Variants in RECQL4 observed in about 807,000 individuals in gnomAD.
RECQL4 encodes the protein ATP-dependent DNA helicase Q4.
In RECQL4, 158 loss-of-function variants were observed where a neutral mutation model predicts 128.6. The ratio of observed to expected loss-of-function variants is 1.23; its 90% confidence interval spans 1.08 to 1.40. The LOEUF (loss-of-function observed/expected upper bound fraction) is 1.40, where lower values mean the gene tolerates loss of function less well. Ranked by LOEUF, RECQL4 falls within the 40% of genes most tolerant of loss-of-function variation. RECQL4 has a pLI of 0.00. For missense variants in RECQL4, 2,293 were observed against 1,649.8 expected (o/e 1.39, Z -6.75); for synonymous variants, 996 against 678.9 (o/e 1.47, Z -7.26).
rs1060501377 is a variant in RECQL4, at chr8:144,512,848, C to G, written c.2754G>C (p.Glu918Asp). The change falls in exon 15 of 21, where the codon GAG (glutamate) becomes GAC (aspartate). Residue 918 changes from glutamate to aspartate, a missense_variant and splice_region_variant. Glu to Asp is a conservative substitution (Grantham distance 45, BLOSUM62 2). Coordinates refer to ENST00000617875, the MANE Select transcript of RECQL4 (RefSeq NM_004260.4). ...TGTGGCTTACCCCAGGTTCCTCACC[C>G]TCCTCCGGCATGTCCAAAGCCTGTA... ...LTVQALDMPE[E>D]AIETLLCYLE... 1.9e-6 allele frequency: 3 copies of G among 1,605,000 alleles called. No homozygotes were observed. Among genetic ancestry groups the G allele is most frequent in the Non-Finnish European group, 2.6e-6 (3 of 1,176,268 alleles).
Position 144,512,977 on chromosome 8 carries a change from G to A in RECQL4, c.2625C>T (p.Pro875=), listed in dbSNP as rs2130671101. ...EGAVGGERPV[P]KYPPQEAEQL... is the part of the protein sequence containing the mutation. ...GCTCAGCCTCTTGAGGGGGGTACTT[G>A]GGCACAGGCCTCTCCCCACCCACGG... Residue 875 remains proline (P), a synonymous_variant, in exon 15 of 21, where the codon CCC becomes CCT. Coordinates refer to ENST00000617875, the MANE Select transcript of RECQL4 (RefSeq NM_004260.4). The A allele has an allele frequency of 1.3e-6, 2 of 1,570,530 alleles. No homozygotes were observed. Among genetic ancestry groups the A allele is most frequent in the Admixed American group, 1.9e-5 (1 of 53,496 alleles).
In RECQL4 at chr8:144,515,887, A is replaced by T. The variant is rs1380925994; in HGVS notation, c.1135T>A (p.Trp379Arg). The T allele has an allele frequency of 6.2e-7, 1 of 1,612,832 alleles. No homozygotes were observed. The highest frequency in any genetic ancestry group is 8.5e-7 in the Non-Finnish European group (1 of 1,179,790). ...CCTTTCTTCCGCCACTTCTGCTTCC[A>T]TGCCTGGGGGGTGCCCACATAGGAG... Reference protein sequence around the residue: ...LRSRLLRKQAWKQKWRKKGEC... With the variant: ...LRSRLLRKQARKQKWRKKGEC... The change falls in exon 6 of 21, where the codon TGG (tryptophan) becomes AGG (arginine). Residue 379 changes from tryptophan (W) to arginine (R), a missense_variant. Trp to Arg is a moderately radical substitution (Grantham distance 101). Coordinates refer to ENST00000617875, the MANE Select transcript of RECQL4 (RefSeq NM_004260.4).
intron 9 of RECQL4, 70 bp downstream of exon 9, chr8:144,514,865 GC>G: frequency 4.5e-6 from 7 of 1,557,208 alleles, no homozygotes; most frequent in Non-Finnish European, 6.1e-6. Flanking sequence ...GGGACAAGCA[GC>G]AGTTGCCCTT....
rs990552711 is a variant in RECQL4, at chr8:144,517,726, C to T, written c.59G>A (p.Arg20Gln). 3 of 1,352,168 alleles carry T rather than the reference C, an allele frequency of 2.2e-6. No homozygotes were observed. The highest frequency in any genetic ancestry group is 3.5e-5 in the South Asian group (2 of 57,682). 83.8% of individuals were successfully genotyped at this position (1,352,168 alleles called of 1,614,324 possible). A position where few individuals can be genotyped will look rare whatever the true frequency, so the allele number is the denominator to read the frequency against. The change falls in exon 1 of 21, where the codon CGG becomes CAG. Residue 20 changes from arginine to glutamine, a missense_variant. Coordinates refer to ENST00000617875, the MANE Select transcript of RECQL4 (RefSeq NM_004260.4). ...RLQAWERAFR[R>Q]QRGRRPSQDD... ...CTGGCTCGGTCGCCGCCCGCGCTGCCGTCGGAACGCGCGCTCCCACGCCTG... is the reference window on the plus strand; with the variant it reads ...CTGGCTCGGTCGCCGCCCGCGCTGCTGTCGGAACGCGCGCTCCCACGCCTG...
chr8:144,512,366 G>A (rs1280556580), intron 17 of RECQL4, 26 bp downstream of exon 17: 1 of 1,609,586 alleles, frequency 6.2e-7, no homozygotes, highest in Non-Finnish European at 8.5e-7. Flanking sequence ...AGCGTCCAGG[G>A]CGGTGTGGGG....
In RECQL4 at chr8:144,513,446, G is replaced by T; in HGVS notation, c.2235C>A (p.His745Gln). 1.2e-6 allele frequency: 2 copies of T among 1,609,836 alleles called. No homozygotes were observed. Residue 745 changes from histidine to glutamine, a missense_variant, in exon 14 of 21, where the codon CAC becomes CAA. Physicochemically the swap from His to Gln is conservative, Grantham distance 24. Coordinates refer to ENST00000617875, the MANE Select transcript of RECQL4 (RefSeq NM_004260.4). ...RAPKTTAEAY[H>Q]AGMCSRERRR... ...GCCGTTCCCGGCTGCACATGCCCGC[G>T]TGGTAGGCCTCGGCTGTGGTTTTGG...
chr8:144,513,946 C>G lies in RECQL4; in HGVS notation c.2040G>C (p.Met680Ile), dbSNP rs1474548278. The G allele has an allele frequency of 6.4e-7, 1 of 1,557,428 alleles. No individual in the cohort carries two copies. ...CACCCACCTGGTCTGTGTCCCTGTC[C>G]ATGGACACGGAAAGGTGCAGGTTGG... ...VPTNLHLSVS[M>I]DRDTDQALLT... Residue 680 changes from methionine to isoleucine, a missense_variant, in exon 12 of 21, where the codon ATG (methionine) becomes ATC (isoleucine). Transcript: ENST00000617875.
chr8:144,512,959 C>T lies in RECQL4; in HGVS notation c.2643G>A (p.Glu881=), dbSNP rs984194524. The stretch of plus-strand genomic sequence containing the variant: ...CTGCTTGGTGGCTAAGCTGCTCAGC[C>T]TCTTGAGGGGGGTACTTGGGCACAG... ...ERPVPKYPPQ[E]AEQLSHQAAP... is the part of the protein sequence containing the mutation. Residue 881 remains glutamate, a synonymous_variant, in exon 15 of 21, where the codon GAG becomes GAA. Coordinates refer to ENST00000617875, the MANE Select transcript of RECQL4 (RefSeq NM_004260.4). 1.9e-6 allele frequency: 3 copies of T among 1,573,010 alleles called. No individual in the cohort carries two copies. Among genetic ancestry groups the T allele is most frequent in the South Asian group, 1.2e-5 (1 of 86,246 alleles).
In RECQL4 at chr8:144,516,097, A is replaced by G; in HGVS notation, c.1022T>C (p.Ile341Thr). 1 of 1,612,756 alleles carries G rather than the reference A, an allele frequency of 6.2e-7. No individual in the cohort carries two copies. The highest frequency in any genetic ancestry group is 1.1e-5 in the South Asian group (1 of 91,084). Residue 341 changes from isoleucine to threonine, a missense_variant, in exon 5 of 21, where the codon ATC (isoleucine) becomes ACC (threonine). Ile to Thr is a moderately conservative substitution (Grantham distance 89). Coordinates refer to ENST00000617875, the MANE Select transcript of RECQL4 (RefSeq NM_004260.4). ...GTCATGGCGGGCCAGCCGAGGGAAGATGTGCAGGGGGGCTGTGCCCTCAGC... is the reference window on the plus strand; with the variant it reads ...GTCATGGCGGGCCAGCCGAGGGAAGGTGTGCAGGGGGGCTGTGCCCTCAGC... ...GKAEGTAPLH[I>T]FPRLARHDRG...
rs1253183706 is a variant in RECQL4, at chr8:144,514,107, C to T, written c.1879G>A (p.Val627Met). ...TGCACGCCCATGCGCTCCCGAAGCA[C>T]CTGCACCAGAGGCGGCAGTGGTGTG... Reference protein sequence around the residue: ...FRPCYLRVCKVLRERMGVHCF... With the variant: ...FRPCYLRVCKMLRERMGVHCF... The change falls in exon 12 of 21, where the codon GTG becomes ATG. Residue 627 changes from valine (V) to methionine (M), a missense_variant and splice_region_variant. Physicochemically the swap from Val to Met is conservative, Grantham distance 21 (BLOSUM62 1). Transcript: ENST00000617875. The T allele has an allele frequency of 6.2e-7, 1 of 1,607,324 alleles. No homozygotes were observed. Among genetic ancestry groups the T allele is most frequent in the Non-Finnish European group, 8.5e-7 (1 of 1,177,774 alleles).
chr8:144,515,427 G>C lies in RECQL4; in HGVS notation c.1289C>G (p.Pro430Arg). Residue 430 changes from proline to arginine, a missense_variant, in exon 7 of 21, where the codon CCT becomes CGT. Transcript: ENST00000617875. The stretch of plus-strand genomic sequence containing the variant: ...TTGTGGTGAAGGAACCAGTGGCTCA[G>C]GCCCAACAGCATCTGTGTCTTCCTC... ...ASEEDTDAVGPEPLVPSPQPV... is the reference protein window; with the variant it reads ...ASEEDTDAVGREPLVPSPQPV... 1 of 1,612,816 alleles carries C rather than the reference G, an allele frequency of 6.2e-7. No homozygotes were observed. The highest frequency in any genetic ancestry group is 8.5e-7 in the Non-Finnish European group (1 of 1,179,840).
rs779994678 is a variant in RECQL4 at position 144,512,732 on chromosome 8, T to C, written c.2795A>G (p.His932Arg). 1.2e-6 allele frequency: 2 copies of C among 1,612,104 alleles called. No homozygotes were observed. The highest frequency in any genetic ancestry group is 2.2e-5 in the East Asian group (1 of 44,864). Residue 932 changes from histidine to arginine, a missense_variant, in exon 16 of 21, where the codon CAC becomes CGC. Coordinates refer to ENST00000617875, the MANE Select transcript of RECQL4 (RefSeq NM_004260.4). ...GGTCGCCAGCAGCTCCAGCCAGTGG[T>C]GTGGGTGCAGCTCCAGGTAGCACAG... is the stretch of plus-strand genomic sequence containing the variant. ...TLLCYLELHP[H>R]HWLELLATTY...
intron 15 of RECQL4, 36 bp downstream of exon 15, chr8:144,512,811 C>G: frequency 6.2e-7 from 1 of 1,609,436 alleles, no homozygotes; most frequent in Non-Finnish European, 8.5e-7. Context: ...GGGGACAGCC[C>G]CTCCACACCC....
At position 144,511,991 on chromosome 8, in the gene RECQL4, C is replaced by T. The variant is rs34915097; in HGVS notation, c.3313G>A (p.Gly1105Ser). The T allele has an allele frequency of 5.9e-4, 958 of 1,610,456 alleles. 2 individuals carry two copies. The African/African-American group carries it at 9.7e-3, about 16-fold the overall frequency. ...ERSTRLKDLL[G>S]RYFEEEEGQE... Reference sequence around the variant, plus strand: ...CCTTCCTCTTCCTCAAAGTAGCGGCCGAGCAGGTCCTTGAGCCTGGTGCTG... The same window carrying T: ...CCTTCCTCTTCCTCAAAGTAGCGGCTGAGCAGGTCCTTGAGCCTGGTGCTG... The change falls in exon 19 of 21, where the codon GGC becomes AGC. Residue 1105 changes from glycine (G) to serine (S), a missense_variant. Gly to Ser is a moderately conservative substitution (Grantham distance 56). Coordinates refer to ENST00000617875, the MANE Select transcript of RECQL4 (RefSeq NM_004260.4).
In RECQL4 at chr8:144,512,207, C is replaced by T. The variant is rs778819494; in HGVS notation, c.3173G>A (p.Arg1058His). 2.9e-5 allele frequency: 47 copies of T among 1,611,976 alleles called. No individual in the cohort carries two copies. Among genetic ancestry groups the T allele is most frequent in the Non-Finnish European group, 3.4e-5 (40 of 1,179,698 alleles). ...GGCCTGGCGCTCCCGGGCCTGCACA[C>T]GGCCATAGAGGAAGTCACATATCTG... ...KDQICDFLYG[R>H]VQARERQALA... Residue 1058 changes from arginine (R) to histidine (H), a missense_variant, in exon 18 of 21, where the codon CGT becomes CAT. Arg to His is a conservative substitution (Grantham distance 29). Coordinates refer to ENST00000617875, the MANE Select transcript of RECQL4 (RefSeq NM_004260.4).
Position 144,513,770 on chromosome 8 carries a change from TGGGG to T in RECQL4, c.2059-62_2059-59del. 2.8e-6 allele frequency: 4 copies of T among 1,447,014 alleles called. No individual in the cohort carries two copies. The East Asian group carries it at 1.1e-4, about 41-fold the overall frequency. 89.6% of individuals were successfully genotyped at this position (1,447,014 alleles called of 1,614,324 possible). ...AGTGAGGAGGGGTCGGCGTGTGCAG[TGGGG>T]AGTGAGGAGGGGTCGGCGTGGGGAG... On this transcript the variant is annotated intron_variant, in intron 12 of 20. Transcript: ENST00000617875.
rs1554895831 is a variant in RECQL4, at chr8:144,511,733, C to T, written c.3450G>A (p.Arg1150=). The T allele has an allele frequency of 8.1e-6, 13 of 1,612,608 alleles. No individual in the cohort carries two copies. The highest frequency in any genetic ancestry group is 2.2e-5 in the East Asian group (1 of 44,890). ...RCDIRQFLSL[R]PEEKFSSRAV... Reference sequence around the variant, plus strand: ...CCCTGCTGGAGAACTTCTCCTCTGGCCTCAGGGACAGGAACTGGCGGATGT... The same window carrying T: ...CCCTGCTGGAGAACTTCTCCTCTGGTCTCAGGGACAGGAACTGGCGGATGT... The change falls in exon 20 of 21, where the codon AGG becomes AGA. Residue 1150 remains arginine, a synonymous_variant. Transcript: ENST00000617875.
Position 144,515,177 on chromosome 8 carries a change from C to G in RECQL4, c.1456G>C (p.Glu486Gln), listed in dbSNP as rs768311526. The change falls in exon 8 of 21, where the codon GAG becomes CAG. Residue 486 changes from glutamate to glutamine, a missense_variant. By Grantham distance (29) the Glu-to-Gln change is conservative. Coordinates refer to ENST00000617875, the MANE Select transcript of RECQL4 (RefSeq NM_004260.4). ...GACAGGATCCGCATGACTGCACGCT[C>G]CTGCCCAGGGCGAAAGGCTTGGTGC... ...LGHQAFRPGQ[E>Q]RAVMRILSGI... is the part of the protein sequence containing the mutation. The G allele has an allele frequency of 3.2e-6, 5 of 1,566,070 alleles. No individual in the cohort carries two copies. The highest frequency in any genetic ancestry group is 1.4e-5 in the African/African-American group (1 of 73,624).
chr8:144,513,787 TC>T, intron 12 of RECQL4, 75 bp from the exon 13 acceptor site: 1 of 628,274 alleles, frequency 1.6e-6, no homozygotes, highest in East Asian at 7.0e-5. Flanking sequence ...TGAGGAGGGG[TC>T]GGCGTGGGGA....
Sources: gnomAD v4.1 joint callset for allele counts on GRCh38, gnomAD v4.1.1 for gene constraint, MANE v1.5 for transcripts, NCBI Gene and HGNC (gene_info 2026-07-23, HGNC 2026-07-21) for gene names.